The following ACSM2B variants were observed in gnomAD, a reference collection of about 807,000 sequenced individuals.
The protein encoded by ACSM2B is acyl-CoA synthetase medium chain family member 2B, also known as acyl-coenzyme A synthetase ACSM2B, mitochondrial.
ACSM2B carries 58 observed loss-of-function variants against 78.6 expected under a neutral mutation model. The ratio of observed to expected loss-of-function variants is 0.74; its 90% CI spans 0.60 to 0.92. The LOEUF (loss-of-function observed/expected upper bound fraction) is 0.92, where lower values mean the gene tolerates loss of function less well. Among genes scored for constraint, ACSM2B ranks in the 40% least tolerant of loss-of-function variants. The pLI is 0.00. For missense variants in ACSM2B, 688 were observed against 711.2 expected (o/e 0.97, Z 0.37); for synonymous variants, 257 against 256.8 (o/e 1.00, Z -0.01).
At chr16:20,571,509 A>C (rs577101162) in intron 1 of ACSM2B, among the ~76,000 whole-genome samples, 3,242 of 151,136 alleles carry the variant, frequency 0.021, 55 homozygotes, top group African/African-American at 0.074. Flanking sequence ...ATCTTGGAGA[A>C]AGTTCCATGC....
rs777437475 is a variant in ACSM2B at position 20,548,048 on chromosome 16, C to T, written c.1098+14G>A. On this transcript the variant is annotated intron_variant, in intron 8 of 13. Coordinates refer to ENST00000329697, the MANE Select transcript of ACSM2B (RefSeq NM_001105069.2). ...AAAGTGCACACAGCCCATGGTTCCC[C>T]TGGGAACAGGTACCGTTTCTGTCTG... 6.2e-7 allele frequency: 1 copy of T among 1,613,852 alleles called. No individual in the cohort carries two copies. The highest frequency in any genetic ancestry group is 1.3e-5 in the African/African-American group (1 of 75,018).
chr16:20,560,722 G>A (rs1023682450), intron 2 of ACSM2B, among the ~76,000 whole-genome samples: 11 of 152,072 alleles, frequency 7.2e-5, no homozygotes, highest in African/African-American at 2.2e-4. Context: ...TTGGTCATGG[G>A]AAGAAATTGA....
chr16:20,557,016 C>T (rs372723599), intron 3 of ACSM2B, among the ~76,000 whole-genome samples: 4 of 151,974 alleles, frequency 2.6e-5, no homozygotes, highest in East Asian at 1.9e-4. Flanking sequence ...CCAGAATATG[C>T]GGCGGGTGGG....
intron 3 of ACSM2B, 151 bp downstream of exon 3, chr16:20,559,086 T>C (rs2015561503): frequency 1.4e-6 from 2 of 1,423,452 alleles, no homozygotes; most frequent in East Asian, 2.5e-5. Flanking sequence ...TTTGCTTAAA[T>C]AAGTGGAAGC....
At chr16:20,546,147 G>C (rs1054766258) in intron 9 of ACSM2B, among the ~76,000 whole-genome samples, 2 of 152,252 alleles carry the variant, frequency 1.3e-5, no homozygotes, top group African/African-American at 2.4e-5. Flanking sequence ...CTTGTATACT[G>C]TCTAGCTAAT....
intron 2 of ACSM2B, among the ~76,000 whole-genome samples, chr16:20,560,104 T>C (rs1567214694): frequency 6.6e-6 from 1 of 151,010 alleles, no homozygotes; most frequent in East Asian, 1.9e-4. Context: ...ATCACCACCA[T>C]CCATCTCCCG....
chr16:20,573,507 T>C (rs1172042522), intron 1 of ACSM2B, among the ~76,000 whole-genome samples: 2 of 143,392 alleles, frequency 1.4e-5, no homozygotes, highest in Admixed American at 6.9e-5. Flanking sequence ...AAAAAGTTCA[T>C]TGGAGTTTAC....
chr16:20,569,795 T>G (rs2016045513), intron 1 of ACSM2B, among the ~76,000 whole-genome samples: 2 of 151,554 alleles, frequency 1.3e-5, no homozygotes, highest in Non-Finnish European at 3.0e-5. Context: ...TGGTTAGGTA[T>G]ATTCCTAAGT....
In ACSM2B at chr16:20,555,384, C is replaced by T. The variant is rs2015441238; in HGVS notation, c.481G>A (p.Asp161Asn). ...MSKAKAIVAG[D>N]EVIQEVDTVA... ...GTGTCCACTTCTTGGATGACTTCAT[C>T]CCCAGCAACAATAGCCTTGGCCTTA... Residue 161 changes from aspartate to asparagine, a missense_variant, in exon 4 of 14, where the codon GAT (aspartate) becomes AAT (asparagine). Transcript: ENST00000329697. 1 of 1,613,778 alleles carries T rather than the reference C, an allele frequency of 6.2e-7. No homozygotes were observed. The highest frequency in any genetic ancestry group is 8.5e-7 in the Non-Finnish European group (1 of 1,179,848).
At chr16:20,541,595 A>G (rs2014990465) in intron 12 of ACSM2B, 1 of 152,034 alleles carries the variant, frequency 6.6e-6, no homozygotes, top group African/African-American at 2.4e-5. Flanking sequence ...AGCCTCATCA[A>G]AATAGACATT....
intron 2 of ACSM2B, among the ~76,000 whole-genome samples, chr16:20,560,954 G>T (rs2015635360): frequency 6.6e-6 from 1 of 152,098 alleles, no homozygotes; most frequent in Non-Finnish European, 1.5e-5. Context: ...TCATAGCCTA[G>T]TGATCTGTGG....
intron 1 of ACSM2B, 144 bp from the exon 2 acceptor site, chr16:20,564,997 T>A (rs10852242): frequency 0.17 from 195,447 of 1,117,422 alleles, 40,384 homozygotes; most frequent in East Asian, 0.89. Context: ...ATTGGCACTC[T>A]GCATCTGTTT....
chr16:20,568,420 A>G (rs930777568), intron 1 of ACSM2B, among the ~76,000 whole-genome samples: 1 of 146,774 alleles, frequency 6.8e-6, no homozygotes, highest in Non-Finnish European at 1.5e-5. Context: ...ATATATTTAT[A>G]AAAATATATA....
At chr16:20,572,171 A>G (rs990002933) in intron 1 of ACSM2B, among the ~76,000 whole-genome samples, 1 of 150,922 alleles carries the variant, frequency 6.6e-6, no homozygotes, top group African/African-American at 2.4e-5. Context: ...TTTATAGGTC[A>G]TGTGAGGTTT....
rs2014852197 is a variant in ACSM2B, at chr16:20,536,638, G to A, written c.*620C>T. 6.6e-6 allele frequency: 1 copy of A among 152,040 alleles called. No homozygotes were observed. The highest frequency in any genetic ancestry group is 6.6e-5 in the Admixed American group (1 of 15,256). 9.4% of individuals were successfully genotyped at this position (152,040 alleles called of 1,614,324 possible). A position where few individuals can be genotyped will look rare whatever the true frequency, so the allele number is the denominator to read the frequency against. On this transcript the variant is annotated 3_prime_UTR_variant, in exon 14 of 14. Coordinates refer to ENST00000329697, the MANE Select transcript of ACSM2B (RefSeq NM_001105069.2). ...CTTCTCAAGCTCCAGTTTTATGCTT[G>A]ACTTTGTCTATCTGTGGGAATATTT...
At chr16:20,551,962 C>T (rs2015322435) in intron 6 of ACSM2B, among the ~76,000 whole-genome samples, 182 bp downstream of exon 6, 2 of 152,190 alleles carry the variant, frequency 1.3e-5, no homozygotes, top group South Asian at 2.1e-4. Context: ...GTGCCTGTCT[C>T]CTACCCCAGA....
At chr16:20,558,968 C>T (rs1238079093) in intron 3 of ACSM2B, among the ~76,000 whole-genome samples, 1 of 152,162 alleles carries the variant, frequency 6.6e-6, no homozygotes, top group South Asian at 2.1e-4. Context: ...TAAATACTTA[C>T]ATGTGCAATT....
intron 10 of ACSM2B, among the ~76,000 whole-genome samples, chr16:20,543,723 A>G (rs2015063415): frequency 6.6e-6 from 1 of 152,118 alleles, no homozygotes; most frequent in South Asian, 2.1e-4. Context: ...TATTTCTACA[A>G]TAGCTGGGTC....
At chr16:20,552,928 C>T (rs950270339) in intron 5 of ACSM2B, among the ~76,000 whole-genome samples, 2 of 152,156 alleles carry the variant, frequency 1.3e-5, no homozygotes, top group African/African-American at 2.4e-5. Flanking sequence ...GAAATTAGGT[C>T]ATAGTACAAG....
Sources: gnomAD v4.1 joint callset for allele counts (sites outside exome capture counted in the v4.1 genomes callset) on GRCh38, gnomAD v4.1.1 for gene constraint, MANE v1.5 for transcripts, NCBI Gene and HGNC (gene_info 2026-07-23, HGNC 2026-07-21) for gene names.